The following ASXL3 variants were observed in gnomAD, a reference collection of about 807,000 sequenced individuals.
ASXL3 encodes ASXL transcriptional regulator 3, also known as putative Polycomb group protein ASXL3.
ASXL3 carries 34 observed loss-of-function variants against 170.6 expected under a neutral mutation model. The observed-to-expected ratio is 0.20, with a 90% CI of 0.15 to 0.27. ASXL3 has a LOEUF of 0.27. Ranked by LOEUF, ASXL3 falls within the 10% of genes least tolerant of loss-of-function variation. The probability of loss-of-function intolerance (pLI) is 1.00; values close to 1 mark genes in which losing one functional copy is unlikely to be tolerated. For missense variants in ASXL3, 2,592 were observed against 2,695.3 expected, an observed-to-expected ratio of 0.96 and a Z score of 0.85; for synonymous variants, 1,002 against 989.1, an observed-to-expected ratio of 1.01 and a Z score of -0.24.
chr18:33,623,206 A>AT (rs2065544036), intron 2 of ASXL3, among the ~76,000 whole-genome samples: 1 of 152,092 alleles, frequency 6.6e-6, no homozygotes, highest in Non-Finnish European at 1.5e-5. Context: ...TTGCAATTTC[A>AT]TTTTAACGTA....
intron 8 of ASXL3, among the ~76,000 whole-genome samples, chr18:33,698,273 C>T (rs553517229): frequency 7.2e-5 from 11 of 152,244 alleles, no homozygotes; most frequent in African/African-American, 2.4e-4. Context: ...CATAGAATAT[C>T]CTTTACCAGA....
chr18:33,644,753 T>C (rs1455835519), intron 2 of ASXL3, 141 bp from the exon 3 acceptor site: 1 of 477,450 alleles, frequency 2.1e-6, no homozygotes, highest in Admixed American at 3.7e-5. Context: ...TGAGAGGGTA[T>C]TTTTAAAAGG....
intron 1 of ASXL3, chr18:33,605,461 G>A (rs1204098765): frequency 6.6e-6 from 1 of 152,138 alleles, no homozygotes; most frequent in African/African-American, 2.4e-5. Context: ...CTGGTGTTTT[G>A]TGTGGCTTCA....
At chr18:33,602,394 G>C (rs1410646441) in intron 1 of ASXL3, among the ~76,000 whole-genome samples, 3 of 152,092 alleles carry the variant, frequency 2.0e-5, no homozygotes, top group African/African-American at 4.8e-5. Context: ...TATGCTGGGA[G>C]TGAAGAACAA....
At chr18:33,585,011 C>T (rs549425362) in intron 1 of ASXL3, among the ~76,000 whole-genome samples, 11 of 151,830 alleles carry the variant, frequency 7.2e-5, no homozygotes, top group East Asian at 3.9e-4. Context: ...TACATGGAAG[C>T]GTAGGGAGGG....
At chr18:33,620,185 G>T (rs2065488159) in intron 2 of ASXL3, among the ~76,000 whole-genome samples, 1 of 152,098 alleles carries the variant, frequency 6.6e-6, no homozygotes. Context: ...AGGCCACTGT[G>T]GCTATCTTAA....
intron 1 of ASXL3, among the ~76,000 whole-genome samples, chr18:33,581,955 G>A (rs573213860): frequency 1.8e-4 from 27 of 152,160 alleles, no homozygotes; most frequent in African/African-American, 6.5e-4. Context: ...CTTCTGCCCT[G>A]CATCAGTTGC....
At chr18:33,686,873 T>G (rs933916781) in intron 8 of ASXL3, among the ~76,000 whole-genome samples, 3 of 152,132 alleles carry the variant, frequency 2.0e-5, no homozygotes, top group African/African-American at 7.2e-5. Context: ...TAAAATGCAG[T>G]CCTTAATTTC....
chr18:33,710,530 G>T (rs1202342562), intron 8 of ASXL3, among the ~76,000 whole-genome samples: 1 of 152,144 alleles, frequency 6.6e-6, no homozygotes, highest in African/African-American at 2.4e-5. Flanking sequence ...TTCTGAATGT[G>T]TGCTTCTGAA....
intron 1 of ASXL3, among the ~76,000 whole-genome samples, chr18:33,590,157 T>C (rs2065066446): frequency 6.8e-6 from 1 of 146,884 alleles, no homozygotes; most frequent in Non-Finnish European, 1.5e-5. Flanking sequence ...GGCTTCATGG[T>C]GTAGGCAGGA....
chr18:33,655,130 C>CA (rs1287908544), intron 4 of ASXL3, among the ~76,000 whole-genome samples: 1 of 152,004 alleles, frequency 6.6e-6, no homozygotes, highest in Non-Finnish European at 1.5e-5. Context: ...CATATGATAT[C>CA]AGCCACCCAA....
In ASXL3 at chr18:33,644,983, C is replaced by G. The variant is rs1054594301; in HGVS notation, c.227C>G (p.Ser76Ter). Residue 76 changes from serine to a stop codon, truncating the protein, a stop_gained, in exon 3 of 12, where the codon TCA becomes TGA. Coordinates refer to ENST00000269197, the MANE Select transcript of ASXL3 (RefSeq NM_030632.3). LOFTEE classifies it high-confidence loss of function. ...DGTFFKIPGKSGLYALKKEES... is the reference protein window; with the variant it reads ...DGTFFKIPGK The stretch of plus-strand genomic sequence containing the variant: ...ACATTCTTCAAAATCCCTGGAAAGT[C>G]AGGCCTCTATGCTCTCAAAGTAAGT... The G allele has an allele frequency of 6.4e-7, 1 of 1,561,904 alleles. No homozygotes were observed. The highest frequency in any genetic ancestry group is 8.7e-7 in the Non-Finnish European group (1 of 1,148,862).
intron 8 of ASXL3, among the ~76,000 whole-genome samples, chr18:33,717,091 C>T (rs1228140506): frequency 6.6e-6 from 1 of 152,118 alleles, no homozygotes; most frequent in African/African-American, 2.4e-5. Context: ...TCTGGTACAG[C>T]TTTGGCTCCG....
intron 8 of ASXL3, among the ~76,000 whole-genome samples, chr18:33,702,339 C>A (rs2066887003): frequency 6.6e-6 from 1 of 151,948 alleles, no homozygotes; most frequent in East Asian, 1.9e-4. Flanking sequence ...TATCTTATAG[C>A]ATCCATATAT....
chr18:33,632,209 T>C lies in ASXL3; in HGVS notation c.138-12685T>C, dbSNP rs998798387. Among the ~76,000 whole-genome samples, 16 of 152,126 alleles carry C rather than the reference T, an allele frequency of 1.1e-4. 1 individual carries two copies. Among genetic ancestry groups the C allele is most frequent in the Non-Finnish European group, 1.5e-5 (1 of 68,010 alleles). On this transcript the variant is annotated intron_variant, in intron 2 of 11. Coordinates refer to ENST00000269197, the MANE Select transcript of ASXL3 (RefSeq NM_030632.3). ...TTATAAAACAATTATATGCTGATGC[T>C]AGGGTATATATCATATTATAATAAA... is the stretch of plus-strand genomic sequence containing the variant.
chr18:33,689,324 G>T (rs1251069082), intron 8 of ASXL3, among the ~76,000 whole-genome samples: 1 of 152,160 alleles, frequency 6.6e-6, no homozygotes, highest in African/African-American at 2.4e-5. Flanking sequence ...ACAAGGATGT[G>T]TTGTCTTACA....
chr18:33,643,954 G>A (rs1014414474), intron 2 of ASXL3, among the ~76,000 whole-genome samples: 1 of 151,760 alleles, frequency 6.6e-6, no homozygotes, highest in African/African-American at 2.4e-5. Context: ...GAAGTAAAAT[G>A]TATATGGATG....
chr18:33,586,664 G>A (rs556362667), intron 1 of ASXL3, among the ~76,000 whole-genome samples: 76 of 151,598 alleles, frequency 5.0e-4, no homozygotes, highest in Non-Finnish European at 9.4e-4. Context: ...TATTCTCGTC[G>A]CCCCACACCC....
intron 2 of ASXL3, among the ~76,000 whole-genome samples, chr18:33,609,478 A>G (rs2065301433): frequency 6.6e-6 from 1 of 152,046 alleles, no homozygotes; most frequent in African/African-American, 2.4e-5. Context: ...CAACATTTTA[A>G]TTACACTTGT....
Sources: allele counts gnomAD v4.1 joint callset (sites outside exome capture counted in the v4.1 genomes callset), GRCh38; gene constraint gnomAD v4.1.1; transcripts MANE v1.5; gene names NCBI Gene and HGNC (gene_info 2026-07-23, HGNC 2026-07-21).